FMN2: variants seen among roughly 807,000 people sequenced by gnomAD.
FMN2 encodes the protein formin-2.
FMN2 carries 51 observed loss-of-function variants against 142.3 expected under a neutral mutation model. That is an observed-to-expected ratio of 0.36 (90% CI 0.29 to 0.45). The LOEUF is 0.45. FMN2 is among the 20% of genes least tolerant of loss of function. FMN2 has a pLI of 1.00. For missense variants in FMN2, 1,936 were observed against 2,122.8 expected (o/e 0.91, Z 1.73); for synonymous variants, 882 against 869.8 (o/e 1.01, Z -0.25).
intron 13 of FMN2, among the ~76,000 whole-genome samples, chr1:240,354,608 A>T (rs1412406578): frequency 6.6e-6 from 1 of 152,188 alleles, no homozygotes; most frequent in Non-Finnish European, 1.5e-5. Flanking sequence ...GGATCTGCCT[A>T]CGCTGATCTT....
chr1:240,168,867 G>A (rs1422653577), intron 2 of FMN2, among the ~76,000 whole-genome samples: 1 of 151,932 alleles, frequency 6.6e-6, no homozygotes, highest in Admixed American at 6.6e-5. Flanking sequence ...TAACAAAAAT[G>A]AAAAGCACAT....
chr1:240,356,526 T>A (rs964816544), intron 14 of FMN2, among the ~76,000 whole-genome samples: 2 of 152,042 alleles, frequency 1.3e-5, no homozygotes, highest in Non-Finnish European at 2.9e-5. Context: ...AAGAAAAAAA[T>A]TTAACAGGAA....
intron 4 of FMN2, among the ~76,000 whole-genome samples, chr1:240,198,998 G>C (rs370059448): frequency 5.9e-5 from 9 of 152,198 alleles, no homozygotes; most frequent in African/African-American, 2.2e-4. Flanking sequence ...CCAGCTACTC[G>C]GGAGGCTGAT....
At position 240,330,765 on chromosome 1, in the gene FMN2, G is replaced by A. The variant is rs372162985; in HGVS notation, c.4584+16G>A. Reference sequence around the variant, plus strand: ...CAAGAGCAGTGTAAGTATTTTGCATGAGTGGACGTAAGCACATTGAGGAGT... The same window carrying A: ...CAAGAGCAGTGTAAGTATTTTGCATAAGTGGACGTAAGCACATTGAGGAGT... On this transcript the variant is annotated intron_variant, in intron 11 of 17. Transcript: ENST00000319653. 2 of 1,612,562 alleles carry A rather than the reference G, an allele frequency of 1.2e-6. No individual in the cohort carries two copies. The highest frequency in any genetic ancestry group is 1.7e-6 in the Non-Finnish European group (2 of 1,179,382).
At chr1:240,141,849 A>G (rs1245190295) in intron 2 of FMN2, among the ~76,000 whole-genome samples, 1 of 152,132 alleles carries the variant, frequency 6.6e-6, no homozygotes, top group Non-Finnish European at 1.5e-5. Flanking sequence ...CAGGGCTCAC[A>G]TGGTGCTTCT....
intron 1 of FMN2, among the ~76,000 whole-genome samples, chr1:240,113,015 A>T (rs976356643): frequency 2.6e-5 from 4 of 152,242 alleles, no homozygotes; most frequent in African/African-American, 9.6e-5. Flanking sequence ...AACGTAAGCA[A>T]ATATGAAGTA....
At chr1:240,155,589 T>G (rs1027381369) in intron 2 of FMN2, among the ~76,000 whole-genome samples, 1 of 152,204 alleles carries the variant, frequency 6.6e-6, no homozygotes, top group Non-Finnish European at 1.5e-5. Flanking sequence ...TCAAAATGTT[T>G]TTAAACTAGA....
intron 6 of FMN2, among the ~76,000 whole-genome samples, chr1:240,212,140 G>A (rs916528204): frequency 6.6e-6 from 1 of 152,278 alleles, no homozygotes; most frequent in Non-Finnish European, 1.5e-5. Flanking sequence ...CCCCATAGGA[G>A]TTCCAGCTAA....
intron 13 of FMN2, among the ~76,000 whole-genome samples, chr1:240,340,438 G>A (rs996510842): frequency 1.3e-5 from 2 of 151,972 alleles, no homozygotes; most frequent in African/African-American, 2.4e-5. Flanking sequence ...AAAATGAACC[G>A]GGCATGGTGG....
intron 1 of FMN2, among the ~76,000 whole-genome samples, chr1:240,097,945 G>C (rs1351672744): frequency 6.6e-6 from 1 of 152,032 alleles, no homozygotes; most frequent in Non-Finnish European, 1.5e-5. Flanking sequence ...TCCAGGATAT[G>C]TCCTTAGAAA....
chr1:240,271,302 A>G (rs1260985894), intron 7 of FMN2, among the ~76,000 whole-genome samples: 2 of 151,460 alleles, frequency 1.3e-5, no homozygotes, highest in Non-Finnish European at 2.9e-5. Flanking sequence ...TCGCTTCCCT[A>G]TTAATTACCA....
chr1:240,228,479 A>G (rs1667422139), intron 6 of FMN2, among the ~76,000 whole-genome samples: 1 of 152,052 alleles, frequency 6.6e-6, no homozygotes. Context: ...CAAAACCACA[A>G]TGCAACACCA....
At chr1:240,220,879 C>G (rs970126041) in intron 6 of FMN2, among the ~76,000 whole-genome samples, 2 of 152,194 alleles carry the variant, frequency 1.3e-5, no homozygotes, top group Non-Finnish European at 2.9e-5. Flanking sequence ...CCCCCCACCC[C>G]ACGACAGGCC....
chr1:240,128,684 A>G (rs1405581069), intron 2 of FMN2, among the ~76,000 whole-genome samples: 1 of 152,198 alleles, frequency 6.6e-6, no homozygotes, highest in East Asian at 1.9e-4. Flanking sequence ...AAAGACAAGG[A>G]AGACATAACA....
chr1:240,260,959 TCTC>T (rs1294120504), intron 7 of FMN2, among the ~76,000 whole-genome samples: 1 of 152,192 alleles, frequency 6.6e-6, no homozygotes, highest in African/African-American at 2.4e-5. Flanking sequence ...CCAGTTTCAT[TCTC>T]CTACAGTGTC....
At chr1:240,382,098 A>T (rs1673244981) in intron 14 of FMN2, among the ~76,000 whole-genome samples, 1 of 152,208 alleles carries the variant, frequency 6.6e-6, no homozygotes, top group Non-Finnish European at 1.5e-5. Context: ...CCAAAAGATA[A>T]CTAGACCTAA....
intron 6 of FMN2, among the ~76,000 whole-genome samples, chr1:240,220,369 A>G (rs1395568724): frequency 6.6e-6 from 1 of 152,134 alleles, no homozygotes; most frequent in Non-Finnish European, 1.5e-5. Flanking sequence ...AACTATGTCT[A>G]TGGCTATGAT....
intron 4 of FMN2, among the ~76,000 whole-genome samples, chr1:240,191,034 T>G (rs1344830422): frequency 1.3e-5 from 2 of 152,222 alleles, no homozygotes; most frequent in Non-Finnish European, 2.9e-5. Flanking sequence ...TTTCTCAGTA[T>G]GAATGATGAA....
intron 16 of FMN2, among the ~76,000 whole-genome samples, chr1:240,459,707 A>G (rs1293026164): frequency 1.6e-5 from 2 of 128,334 alleles, no homozygotes; most frequent in Admixed American, 8.5e-5. Flanking sequence ...ACAGAACAAG[A>G]CTCTGTCTCT....
Sources: allele counts gnomAD v4.1 joint callset (sites outside exome capture counted in the v4.1 genomes callset), GRCh38; gene constraint gnomAD v4.1.1; transcripts MANE v1.5; gene names NCBI Gene and HGNC (gene_info 2026-07-23, HGNC 2026-07-21).